The following FBXL20 variants were observed in gnomAD, a reference collection of about 807,000 sequenced individuals.
FBXL20 encodes the protein F-box and leucine rich repeat protein 20, also known as F-box/LRR-repeat protein 20.
A neutral mutation model predicts 64.0 loss-of-function variants in FBXL20; 11 were observed. The ratio of observed to expected loss-of-function variants is 0.17; its 90% CI spans 0.11 to 0.28. FBXL20 has a LOEUF of 0.28. Among genes scored for constraint, FBXL20 ranks in the 10% least tolerant of loss-of-function variants. The probability of loss-of-function intolerance (pLI) is 1.00; values close to 1 mark genes in which losing one functional copy is unlikely to be tolerated. For synonymous variants in FBXL20, 184 were observed against 189.0 expected (o/e 0.97, Z 0.22); for missense variants, 303 against 526.2 (o/e 0.58, Z 4.15).
At chr17:39,346,458 C>T (rs1035631515) in intron 1 of FBXL20, among the ~76,000 whole-genome samples, 2 of 152,054 alleles carry the variant, frequency 1.3e-5, no homozygotes, top group African/African-American at 4.8e-5. Flanking sequence ...GAAGAGAATC[C>T]TAAAGACACC....
intron 1 of FBXL20, among the ~76,000 whole-genome samples, chr17:39,396,486 C>T (rs2048184425): frequency 6.6e-6 from 1 of 151,678 alleles, no homozygotes; most frequent in Non-Finnish European, 1.5e-5. Flanking sequence ...ATCCCAGCTA[C>T]TCAGGAGGCT....
chr17:39,331,233 T>TG (rs1028843603), intron 2 of FBXL20, among the ~76,000 whole-genome samples: 18 of 152,194 alleles, frequency 1.2e-4, no homozygotes, highest in African/African-American at 3.9e-4. Context: ...CCCAAGTAGC[T>TG]GGGATTACAG....
At position 39,261,245 on chromosome 17, in the gene FBXL20, ATCACAAACTTCAGTC is replaced by A; in HGVS notation, c.*200_*214del. 1 of 475,736 alleles carries A rather than the reference ATCACAAACTTCAGTC, an allele frequency of 2.1e-6. No individual in the cohort carries two copies. Among genetic ancestry groups the A allele is most frequent in the Middle Eastern group, 5.7e-4 (1 of 1,768 alleles). 29.5% of individuals were successfully genotyped at this position (475,736 alleles called of 1,614,324 possible). A position where few individuals can be genotyped will look rare whatever the true frequency, so the allele number is the denominator to read the frequency against. On this transcript the variant is annotated 3_prime_UTR_variant, in exon 15 of 15. Coordinates refer to ENST00000264658, the MANE Select transcript of FBXL20 (RefSeq NM_032875.3). The stretch of plus-strand genomic sequence containing the variant: ...TACCAATCTACTTGATAAAAAAGCC[ATCACAAACTTCAGTC>A]CCATGGTCACAAAGCTAGAGTGGAT...
intron 1 of FBXL20, among the ~76,000 whole-genome samples, chr17:39,356,426 G>A (rs1227574674): frequency 1.3e-5 from 2 of 151,822 alleles, no homozygotes; most frequent in African/African-American, 4.8e-5. Context: ...CACAATCATG[G>A]CTCACTGCAG....
At chr17:39,331,296 T>C (rs1567883069) in intron 2 of FBXL20, among the ~76,000 whole-genome samples, 1 of 152,326 alleles carries the variant, frequency 6.6e-6, no homozygotes, top group East Asian at 1.9e-4. Context: ...AGATGGGGTT[T>C]TACCATGTTA....
rs1266646742 is a variant in FBXL20, at chr17:39,257,493, C to G, written c.*3967G>C. On this transcript the variant is annotated 3_prime_UTR_variant, in exon 15 of 15. Coordinates refer to ENST00000264658, the MANE Select transcript of FBXL20 (RefSeq NM_032875.3). ...AAAGCTACTTAAGGAATACTTTTACCTTCAGTAAAGACAAGAGCAGAATAG... is the reference window on the plus strand; with the variant it reads ...AAAGCTACTTAAGGAATACTTTTACGTTCAGTAAAGACAAGAGCAGAATAG... 1 of 152,226 alleles carries G rather than the reference C, an allele frequency of 6.6e-6. No individual in the cohort carries two copies. The highest frequency in any genetic ancestry group is 1.5e-5 in the Non-Finnish European group (1 of 68,042). The allele number at this position is 152,226 out of a possible 1,614,324, so 9.4% of individuals were successfully genotyped here.
intron 2 of FBXL20, among the ~76,000 whole-genome samples, chr17:39,325,143 G>A (rs988255040): frequency 3.3e-5 from 5 of 152,150 alleles, no homozygotes; most frequent in Non-Finnish European, 5.9e-5. Context: ...GGGAAGCTGA[G>A]GCTGCAGCAA....
chr17:39,335,909 G>A (rs968020443), intron 2 of FBXL20, among the ~76,000 whole-genome samples: 5 of 152,180 alleles, frequency 3.3e-5, no homozygotes, highest in African/African-American at 1.2e-4. Flanking sequence ...GTGAGGCTAA[G>A]GGGAGAGAAT....
At position 39,355,072 on chromosome 17, in the gene FBXL20, T is replaced by C. The variant is rs578016166; in HGVS notation, c.43-11831A>G. Among the ~76,000 whole-genome samples, 4 of 152,172 alleles carry C rather than the reference T, an allele frequency of 2.6e-5. No individual in the cohort carries two copies. In the East Asian group the frequency reaches 7.7e-4, roughly 29 times the overall value. On this transcript the variant is annotated intron_variant, in intron 1 of 14. Coordinates refer to ENST00000264658, the MANE Select transcript of FBXL20 (RefSeq NM_032875.3). The stretch of plus-strand genomic sequence containing the variant: ...TCAGCCTCCCAAGTAGCTGGGATTA[T>C]AGGCATGCGCCACCATGCCCAGCTA...
Position 39,281,371 on chromosome 17 carries a change from G to A in FBXL20, c.696+18C>T, listed in dbSNP as rs745497018. 1 of 1,611,066 alleles carries A rather than the reference G, an allele frequency of 6.2e-7. No homozygotes were observed. Among genetic ancestry groups the A allele is most frequent in the Non-Finnish European group, 8.5e-7 (1 of 1,177,874 alleles). ...AATGAATTACTAAAACAGAAGAGTT[G>A]TGAGAAGGGATGTTTACCAAGCAAG... On this transcript the variant is annotated intron_variant, in intron 9 of 14. Transcript: ENST00000264658.
intron 2 of FBXL20, among the ~76,000 whole-genome samples, chr17:39,317,696 TTTTTG>T (rs2047308739): frequency 1.5e-5 from 1 of 65,842 alleles, no homozygotes; most frequent in Admixed American, 1.5e-4. Flanking sequence ...TTTGTTTTTT[TTTTTG>T]TTTTTTTTTT....
intron 2 of FBXL20, among the ~76,000 whole-genome samples, chr17:39,322,898 G>A (rs928274388): frequency 7.2e-5 from 11 of 151,770 alleles, no homozygotes; most frequent in African/African-American, 1.2e-4. Flanking sequence ...TCCGCCTCCC[G>A]GGTTCACACC....
At chr17:39,381,878 C>T (rs1415146560) in intron 1 of FBXL20, among the ~76,000 whole-genome samples, 1 of 149,616 alleles carries the variant, frequency 6.7e-6, no homozygotes, top group Non-Finnish European at 1.5e-5. Flanking sequence ...GGGCGGATCA[C>T]GAGGCCAAGA....
chr17:39,293,224 ACTT>A (rs1226861344), intron 6 of FBXL20, among the ~76,000 whole-genome samples: 2 of 138,188 alleles, frequency 1.4e-5, no homozygotes, highest in Non-Finnish European at 3.2e-5. Flanking sequence ...GTTTTGGATC[ACTT>A]TTTTTTTTTT....
chr17:39,338,512 G>A (rs977197290), intron 2 of FBXL20, among the ~76,000 whole-genome samples: 4 of 148,838 alleles, frequency 2.7e-5, no homozygotes, highest in Admixed American at 6.7e-5. Context: ...CCCTCTGCGA[G>A]AAACACCAGA....
intron 11 of FBXL20, 56 bp downstream of exon 11, chr17:39,270,711 TTCCCTTGCTGCTTGTTCTTCTGAAATAAA>T: frequency 8.5e-7 from 1 of 1,179,672 alleles, no homozygotes; most frequent in Non-Finnish European, 1.2e-6. Context: ...CATTTCACAT[TTCCCTTGCTGCTTGTTCTTCTGAAATAAA>T]AAGCCCTAAT....
chr17:39,396,400 A>G (rs1484443937), intron 1 of FBXL20, among the ~76,000 whole-genome samples: 2 of 151,488 alleles, frequency 1.3e-5, no homozygotes, highest in African/African-American at 4.9e-5. Context: ...GTTCAAGACC[A>G]GTCTGGCCAA....
At chr17:39,314,525 C>T (rs1009243209) in intron 2 of FBXL20, among the ~76,000 whole-genome samples, 24 of 151,786 alleles carry the variant, frequency 1.6e-4, no homozygotes, top group African/African-American at 5.3e-4. Flanking sequence ...TGTGCCTGTA[C>T]AAATTTTGTA....
Position 39,377,661 on chromosome 17 carries a change from C to T in FBXL20, c.42+23700G>A, listed in dbSNP as rs917164229. 9.2e-5 allele frequency among the ~76,000 whole-genome samples: 14 copies of T among 152,128 alleles called. No individual in the cohort carries two copies. In the East Asian group the frequency reaches 1.7e-3, roughly 19 times the overall value. On this transcript the variant is annotated intron_variant, in intron 1 of 14. Transcript: ENST00000264658. Reference sequence around the variant, plus strand: ...GACTACAGGCGCCCACTACCACGCCCGGCTAATTTTTTTGTATTTTTTAGT... The same window carrying T: ...GACTACAGGCGCCCACTACCACGCCTGGCTAATTTTTTTGTATTTTTTAGT...
Sources: allele counts gnomAD v4.1 joint callset (sites outside exome capture counted in the v4.1 genomes callset), GRCh38; gene constraint gnomAD v4.1.1; transcripts MANE v1.5; gene names NCBI Gene and HGNC (gene_info 2026-07-23, HGNC 2026-07-21).